Variants in SULF1 observed in about 807,000 individuals in gnomAD.
SULF1 encodes the protein extracellular sulfatase Sulf-1.
A neutral mutation model predicts 110.5 loss-of-function variants in SULF1; 46 were observed. The observed-to-expected ratio is 0.42, with a 90% CI of 0.33 to 0.53. SULF1 has a LOEUF of 0.53. Among genes scored for constraint, SULF1 ranks in the 20% least tolerant of loss-of-function variants. The pLI is 0.12. For missense variants in SULF1, 941 were observed against 1,094.2 expected, an observed-to-expected ratio of 0.86 and a Z score of 1.98; for synonymous variants, 371 against 387.1, an observed-to-expected ratio of 0.96 and a Z score of 0.49.
At chr8:69,478,668 A>T (rs532497137) in intron 1 of SULF1, among the ~76,000 whole-genome samples, 16 of 152,206 alleles carry the variant, frequency 1.1e-4, no homozygotes, top group African/African-American at 3.6e-4. Context: ...TCTCTCTCTC[A>T]TCTGTGCTCT....
chr8:69,616,712 T>G (rs1009588811), intron 13 of SULF1, among the ~76,000 whole-genome samples: 10 of 150,526 alleles, frequency 6.6e-5, no homozygotes, highest in Admixed American at 4.6e-4. Flanking sequence ...GTTTTTTTTT[T>G]TTTTTTTTTT....
At chr8:69,613,318 T>G (rs1292487337) in intron 13 of SULF1, among the ~76,000 whole-genome samples, 2 of 150,302 alleles carry the variant, frequency 1.3e-5, no homozygotes, top group African/African-American at 4.9e-5. Flanking sequence ...TTTTTTTTTT[T>G]GCTTAATATT....
intron 8 of SULF1, among the ~76,000 whole-genome samples, chr8:69,592,494 G>T (rs1352653639): frequency 6.6e-6 from 1 of 152,152 alleles, no homozygotes; most frequent in African/African-American, 2.4e-5. Context: ...AGTGCAGAGG[G>T]TGGCCTTAGA....
chr8:69,527,130 G>T (rs1209975789), intron 3 of SULF1, among the ~76,000 whole-genome samples: 1 of 151,938 alleles, frequency 6.6e-6, no homozygotes, highest in Non-Finnish European at 1.5e-5. Context: ...TATCTGCTTT[G>T]CCTAGGATGA....
chr8:69,614,167 G>A (rs1223645983), intron 13 of SULF1, among the ~76,000 whole-genome samples: 3 of 152,028 alleles, frequency 2.0e-5, no homozygotes, highest in African/African-American at 7.2e-5. Context: ...GTGTGTTATC[G>A]CTAATGCTCA....
At chr8:69,648,826 G>C (rs1460134195) in intron 22 of SULF1, among the ~76,000 whole-genome samples, 1 of 152,254 alleles carries the variant, frequency 6.6e-6, no homozygotes, top group Non-Finnish European at 1.5e-5. Flanking sequence ...TTACCCGTCT[G>C]TGGAATATAG....
At chr8:69,627,993 C>A in intron 17 of SULF1, 127 bp downstream of exon 17, 2 of 894,728 alleles carry the variant, frequency 2.2e-6, no homozygotes, top group Non-Finnish European at 3.6e-6. Flanking sequence ...ATAACCTAAG[C>A]TATTTAAGTA....
upstream of SULF1, among the ~76,000 whole-genome samples, chr8:69,490,817 G>T (rs1415450690): frequency 1.3e-5 from 2 of 152,188 alleles, no homozygotes; most frequent in Non-Finnish European, 2.9e-5. Flanking sequence ...AGTTCTGCTA[G>T]GTTAAAAAGA....
intron 8 of SULF1, among the ~76,000 whole-genome samples, chr8:69,589,974 A>G (rs574946824): frequency 1.3e-5 from 2 of 152,316 alleles, no homozygotes; most frequent in Non-Finnish European, 2.9e-5. Flanking sequence ...GAAAATTGGT[A>G]TCTGTTTCCT....
intron 13 of SULF1, among the ~76,000 whole-genome samples, chr8:69,616,224 A>T (rs1243234295): frequency 2.6e-4 from 38 of 145,408 alleles, no homozygotes; most frequent in African/African-American, 8.6e-4. Flanking sequence ...ATATATATAT[A>T]TATATATTTT....
chr8:69,628,858 G>A (rs1368260166), intron 18 of SULF1, among the ~76,000 whole-genome samples: 4 of 152,100 alleles, frequency 2.6e-5, no homozygotes, highest in Non-Finnish European at 2.9e-5. Context: ...ATTGGTACTC[G>A]GCTGCCAAAA....
chr8:69,587,822 C>A (rs556292090), intron 7 of SULF1, among the ~76,000 whole-genome samples: 52 of 152,162 alleles, frequency 3.4e-4, no homozygotes, highest in Non-Finnish European at 6.0e-4. Flanking sequence ...ACTAAATCAG[C>A]GTAACTTGTT....
At position 69,627,809 on chromosome 8, in the gene SULF1, A is replaced by G; in HGVS notation, c.1985A>G (p.Glu662Gly). ...CAAGATAAAATTAAGAATTTAAGAG[A>G]AGTGAGAGGACATCTGAAGAGAAGG... ...ALQDKIKNLR[E>G]VRGHLKRRKP... Residue 662 changes from glutamate to glycine, a missense_variant, in exon 17 of 23, where the codon GAA (glutamate) becomes GGA (glycine). By Grantham distance (98) the Glu-to-Gly change is moderately conservative. Transcript: ENST00000402687. The G allele has an allele frequency of 1.2e-6, 2 of 1,613,222 alleles. No homozygotes were observed. Among genetic ancestry groups the G allele is most frequent in the Non-Finnish European group, 1.7e-6 (2 of 1,179,710 alleles).
At chr8:69,492,033 G>A (rs1345474198), upstream of SULF1, among the ~76,000 whole-genome samples, 3 of 151,620 alleles carry the variant, frequency 2.0e-5, no homozygotes, top group South Asian at 4.2e-4. Flanking sequence ...ACATTATAAC[G>A]TGCTGGGGAG....
chr8:69,648,910 G>C (rs112500237), intron 22 of SULF1, among the ~76,000 whole-genome samples: 1 of 152,172 alleles, frequency 6.6e-6, no homozygotes, highest in African/African-American at 2.4e-5. Flanking sequence ...CTTGGCTTGC[G>C]ACCTGGGTAT....
intron 5 of SULF1, among the ~76,000 whole-genome samples, chr8:69,574,997 A>C (rs1028263229): frequency 6.6e-6 from 1 of 152,086 alleles, no homozygotes; most frequent in Non-Finnish European, 1.5e-5. Flanking sequence ...GAAAACATAG[A>C]CTTTCTTCCT....
At position 69,621,251 on chromosome 8, in the gene SULF1, A is replaced by G. The variant is rs1273997039; in HGVS notation, c.1594A>G (p.Lys532Glu). ...ATTCTTGAGAAACCAGGGGACTCCA[A>G]GTAAGCCACGCTTTTGTGACCATCT... ...RQFLRNQGTP[K>E]YKPRFVHTRQ... Residue 532 changes from lysine (K) to glutamate (E), a missense_variant and splice_region_variant, in exon 14 of 23, where the codon AAG (lysine) becomes GAG (glutamate). By Grantham distance (56) the Lys-to-Glu change is moderately conservative (BLOSUM62 1). Coordinates refer to ENST00000402687, the MANE Select transcript of SULF1 (RefSeq NM_001128205.2). The G allele has an allele frequency of 6.2e-7, 1 of 1,610,844 alleles. No homozygotes were observed. Among genetic ancestry groups the G allele is most frequent in the South Asian group, 1.1e-5 (1 of 90,820 alleles).
At position 69,627,484 on chromosome 8, in the gene SULF1, A is replaced by T. The variant is rs1810182141; in HGVS notation, c.1947+178A>T. ...ATTTAATGATAGTCCTACTGAAAAC[A>T]ATATAGAGTATGAGAAGAGACTGGG... On this transcript the variant is annotated intron_variant, in intron 16 of 22. Transcript: ENST00000402687. 1.3e-5 allele frequency among the ~76,000 whole-genome samples: 2 copies of T among 152,236 alleles called. 1 individual carries two copies. Among genetic ancestry groups the T allele is most frequent in the Admixed American group, 1.3e-4 (2 of 15,278 alleles).
chr8:69,497,862 A>C (rs535318419), intron 2 of SULF1, among the ~76,000 whole-genome samples: 1 of 152,256 alleles, frequency 6.6e-6, no homozygotes, highest in African/African-American at 2.4e-5. Flanking sequence ...AGCCAAACCA[A>C]ACTCTTAAAG....
Sources: gnomAD v4.1 joint callset for allele counts (sites outside exome capture counted in the v4.1 genomes callset) on GRCh38, gnomAD v4.1.1 for gene constraint, MANE v1.5 for transcripts, NCBI Gene and HGNC (gene_info 2026-07-23, HGNC 2026-07-21) for gene names.